Variants in SPOCK3 observed in about 807,000 individuals in gnomAD.
SPOCK3 encodes SPARC (osteonectin), cwcv and kazal like domains proteoglycan 3.
In SPOCK3, 30 loss-of-function variants were observed where a neutral mutation model predicts 56.6. The ratio of observed to expected loss-of-function variants is 0.53; its 90% CI spans 0.40 to 0.72. The LOEUF is 0.72. Among genes scored for constraint, SPOCK3 ranks in the 30% least tolerant of loss-of-function variants. SPOCK3 has a pLI of 0.00. For missense variants in SPOCK3, 527 were observed against 530.0 expected (o/e 0.99, Z 0.06); for synonymous variants, 196 against 183.3 (o/e 1.07, Z -0.56).
chr4:167,203,142 G>A (rs1252971326), intron 2 of SPOCK3, among the ~76,000 whole-genome samples: 1 of 151,822 alleles, frequency 6.6e-6, no homozygotes, highest in African/African-American at 2.4e-5. Context: ...TGTGTTTACT[G>A]TTATAATGTG....
chr4:166,893,530 A>T (rs1045908441), intron 5 of SPOCK3, among the ~76,000 whole-genome samples: 1 of 152,118 alleles, frequency 6.6e-6, no homozygotes, highest in Non-Finnish European at 1.5e-5. Flanking sequence ...AAAACAAGAC[A>T]TATTTTTACA....
At chr4:166,834,096 T>C (rs888233609) in intron 6 of SPOCK3, among the ~76,000 whole-genome samples, 3 of 152,124 alleles carry the variant, frequency 2.0e-5, no homozygotes, top group African/African-American at 7.2e-5. Context: ...GTGAGAGAAA[T>C]GTGTTCCCCC....
intron 4 of SPOCK3, among the ~76,000 whole-genome samples, chr4:166,920,155 C>T (rs1738331549): frequency 6.6e-6 from 1 of 152,036 alleles, no homozygotes; most frequent in African/African-American, 2.4e-5. Flanking sequence ...TGTTTCCTAC[C>T]ATAAGCATAC....
intron 2 of SPOCK3, among the ~76,000 whole-genome samples, chr4:167,158,549 T>A (rs1765009427): frequency 6.6e-6 from 1 of 151,980 alleles, no homozygotes; most frequent in Non-Finnish European, 1.5e-5. Context: ...CACCATTCTC[T>A]CTAGAACCAA....
intron 4 of SPOCK3, among the ~76,000 whole-genome samples, chr4:166,978,540 G>T (rs1029369247): frequency 6.6e-6 from 1 of 152,164 alleles, no homozygotes. Flanking sequence ...AATACATGGA[G>T]AAAAGGAAGG....
At chr4:167,161,874 A>G (rs1227003982) in intron 2 of SPOCK3, among the ~76,000 whole-genome samples, 1 of 123,406 alleles carries the variant, frequency 8.1e-6, no homozygotes, top group African/African-American at 3.1e-5. Context: ...GGAACATCAC[A>G]CACGGGGGAC....
At chr4:167,097,797 G>T (rs909201331) in intron 2 of SPOCK3, among the ~76,000 whole-genome samples, 1 of 151,828 alleles carries the variant, frequency 6.6e-6, no homozygotes, top group Non-Finnish European at 1.5e-5. Flanking sequence ...ATCAATGTTG[G>T]TGATCATCAG....
chr4:167,040,545 T>C (rs1753150299), intron 3 of SPOCK3, among the ~76,000 whole-genome samples: 1 of 152,208 alleles, frequency 6.6e-6, no homozygotes, highest in Non-Finnish European at 1.5e-5. Context: ...GCTGGCCTTA[T>C]GTATGGTAAC....
intron 8 of SPOCK3, among the ~76,000 whole-genome samples, chr4:166,752,417 G>C (rs72695601): frequency 6.6e-6 from 1 of 151,928 alleles, no homozygotes; most frequent in Non-Finnish European, 1.5e-5. Flanking sequence ...TTTTCCAGTT[G>C]TTTTTCCACA....
chr4:167,094,199 T>A (rs924159829), intron 2 of SPOCK3, among the ~76,000 whole-genome samples: 7 of 151,986 alleles, frequency 4.6e-5, no homozygotes, highest in Non-Finnish European at 1.0e-4. Context: ...TTCAGAAAAA[T>A]TATAAGAAGA....
intron 2 of SPOCK3, among the ~76,000 whole-genome samples, chr4:167,118,705 T>C (rs1180320574): frequency 1.3e-5 from 2 of 152,208 alleles, no homozygotes; most frequent in Admixed American, 1.3e-4. Flanking sequence ...AAAGTGGCAT[T>C]ATGCCCTGTT....
At chr4:167,097,315 T>C (rs1433533827) in intron 2 of SPOCK3, among the ~76,000 whole-genome samples, 3 of 151,942 alleles carry the variant, frequency 2.0e-5, no homozygotes, top group African/African-American at 7.2e-5. Flanking sequence ...GAGTATTTTA[T>C]ATGATTCATT....
intron 5 of SPOCK3, among the ~76,000 whole-genome samples, chr4:166,903,759 G>C (rs992660092): frequency 1.3e-5 from 2 of 151,920 alleles, no homozygotes; most frequent in Non-Finnish European, 2.9e-5. Flanking sequence ...TTAATCCACT[G>C]TCAATTCACA....
chr4:167,083,034 TAAAG>T (rs570186292), intron 2 of SPOCK3, among the ~76,000 whole-genome samples: 5 of 152,174 alleles, frequency 3.3e-5, no homozygotes, highest in South Asian at 2.1e-4. Flanking sequence ...TTAACAATCT[TAAAG>T]AACATTCATT....
intron 2 of SPOCK3, among the ~76,000 whole-genome samples, chr4:167,206,853 GA>G (rs759699497): frequency 1.3e-5 from 2 of 151,324 alleles, no homozygotes; most frequent in African/African-American, 2.4e-5. Flanking sequence ...GTAGTCCATA[GA>G]AAAAAAATCT....
chr4:167,117,824 T>G (rs1561235644), intron 2 of SPOCK3, among the ~76,000 whole-genome samples: 2 of 152,138 alleles, frequency 1.3e-5, no homozygotes, highest in Non-Finnish European at 2.9e-5. Context: ...TTCTGCATCT[T>G]TGAAACAGAG....
intron 6 of SPOCK3, among the ~76,000 whole-genome samples, chr4:166,878,337 G>T (rs1366002461): frequency 1.3e-5 from 2 of 151,994 alleles, no homozygotes; most frequent in East Asian, 3.9e-4. Context: ...AATAAATGAT[G>T]CATGTTTACT....
chr4:166,997,159 G>A (rs1449681104), intron 4 of SPOCK3, among the ~76,000 whole-genome samples: 2 of 151,894 alleles, frequency 1.3e-5, no homozygotes, highest in African/African-American at 2.4e-5. Context: ...GTGGCCTGTC[G>A]GTGGGGGTTA....
chr4:167,083,718 T>C (rs1022242403), intron 2 of SPOCK3, among the ~76,000 whole-genome samples: 3 of 152,072 alleles, frequency 2.0e-5, no homozygotes, highest in Non-Finnish European at 2.9e-5. Flanking sequence ...TTTATATGAA[T>C]TTCAGAAAGA....
Sources: allele counts gnomAD v4.1 joint callset (sites outside exome capture counted in the v4.1 genomes callset), GRCh38; gene constraint gnomAD v4.1.1; transcripts MANE v1.5; gene names NCBI Gene and HGNC (gene_info 2026-07-23, HGNC 2026-07-21).